The following SHISA9 variants were observed in gnomAD, a reference collection of about 807,000 sequenced individuals.
SHISA9 encodes shisa family member 9.
Under a neutral mutation model 38.0 loss-of-function variants are expected in SHISA9, and 13 were observed. That is an observed-to-expected ratio of 0.34 (90% CI 0.22 to 0.54). The LOEUF (loss-of-function observed/expected upper bound fraction) is 0.54. Ranked by LOEUF, SHISA9 falls within the 20% of genes least tolerant of loss-of-function variation. The probability of loss-of-function intolerance (pLI) is 0.91; values close to 1 mark genes in which losing one functional copy is unlikely to be tolerated. For synonymous variants in SHISA9, 275 were observed against 242.0 expected (o/e 1.14, Z -1.27); for missense variants, 538 against 575.8 (o/e 0.93, Z 0.67).
chr16:13,469,230 AGACT>A, the SHISA9 span, among the ~76,000 whole-genome samples: 1 of 150,728 alleles, frequency 6.6e-6, no homozygotes, highest in Non-Finnish European at 1.5e-5. Flanking sequence ...CAACAGAGCA[AGACT>A]CTGCCAAGAA....
the SHISA9 span, among the ~76,000 whole-genome samples, chr16:13,436,374 A>T: frequency 3.3e-5 from 5 of 152,362 alleles, no homozygotes; most frequent in East Asian, 9.7e-4. Context: ...CACCAGTGCC[A>T]GGGAAGTTTA....
chr16:13,429,835 G>C, the SHISA9 span, among the ~76,000 whole-genome samples: 3 of 152,176 alleles, frequency 2.0e-5, no homozygotes, highest in Admixed American at 2.0e-4. Context: ...GTTTACCAAA[G>C]GATAAACAAT....
intron 2 of SHISA9, among the ~76,000 whole-genome samples, chr16:12,950,140 C>G (rs2071736108): frequency 6.6e-6 from 1 of 152,184 alleles, no homozygotes; most frequent in Non-Finnish European, 1.5e-5. Flanking sequence ...CTGTGCCTGA[C>G]TTATTTCACT....
the SHISA9 span, among the ~76,000 whole-genome samples, chr16:13,532,973 T>G: frequency 6.6e-6 from 1 of 152,246 alleles, no homozygotes; most frequent in East Asian, 1.9e-4. Flanking sequence ...CTGCCCCACC[T>G]CAGCCCCTTA....
At chr16:12,999,064 T>A (rs1293817427) in intron 2 of SHISA9, among the ~76,000 whole-genome samples, 1 of 152,184 alleles carries the variant, frequency 6.6e-6, no homozygotes, top group African/African-American at 2.4e-5. Flanking sequence ...TGGTATATAT[T>A]ATTGGTTCAT....
At chr16:13,117,523 G>T (rs1046216525) in intron 2 of SHISA9, among the ~76,000 whole-genome samples, 1 of 152,154 alleles carries the variant, frequency 6.6e-6, no homozygotes, top group Non-Finnish European at 1.5e-5. Context: ...GTTCATTCCA[G>T]ATTATCTGCC....
chr16:12,999,921 C>T (rs34131567), intron 2 of SHISA9, among the ~76,000 whole-genome samples: 28,932 of 152,070 alleles, frequency 0.19, 3,553 homozygotes, highest in Middle Eastern at 0.33. Context: ...GCAATGGAAG[C>T]TGGGAAATAC....
intron 2 of SHISA9, among the ~76,000 whole-genome samples, chr16:12,921,902 T>A (rs1457400724): frequency 1.3e-5 from 2 of 152,224 alleles, no homozygotes; most frequent in Non-Finnish European, 2.9e-5. Flanking sequence ...CAGATAACAT[T>A]ATAAAACTCC....
chr16:13,229,369 T>G (rs972308145), intron 4 of SHISA9, among the ~76,000 whole-genome samples: 2 of 152,148 alleles, frequency 1.3e-5, no homozygotes, highest in Non-Finnish European at 2.9e-5. Flanking sequence ...TATCGGACTT[T>G]CTAGAAGGGA....
chr16:13,042,188 C>G (rs1273453122), intron 2 of SHISA9, among the ~76,000 whole-genome samples: 2 of 152,202 alleles, frequency 1.3e-5, no homozygotes, highest in East Asian at 3.8e-4. Context: ...CACAAGGACA[C>G]TGGGAATCTT....
chr16:13,270,099 G>A, the SHISA9 span, among the ~76,000 whole-genome samples: 1 of 152,122 alleles, frequency 6.6e-6, no homozygotes, highest in Non-Finnish European at 1.5e-5. Flanking sequence ...GGCTTACATG[G>A]AGCAATGCCC....
At chr16:13,068,439 C>T (rs956978092) in intron 2 of SHISA9, among the ~76,000 whole-genome samples, 7 of 152,342 alleles carry the variant, frequency 4.6e-5, no homozygotes, top group African/African-American at 1.7e-4. Context: ...TACACTTATT[C>T]TCACTCTCCC....
chr16:13,225,295 A>G (rs561097164), intron 4 of SHISA9, among the ~76,000 whole-genome samples: 2 of 152,266 alleles, frequency 1.3e-5, no homozygotes, highest in East Asian at 1.9e-4. Flanking sequence ...TGGAACTGCA[A>G]GAGAATGTAT....
intron 2 of SHISA9, among the ~76,000 whole-genome samples, chr16:12,920,056 GTCT>G (rs1164391298): frequency 1.3e-5 from 2 of 152,080 alleles, no homozygotes; most frequent in Admixed American, 6.5e-5. Flanking sequence ...GTTCCCTTTG[GTCT>G]TCTTAAGGAT....
the SHISA9 span, among the ~76,000 whole-genome samples, chr16:13,435,021 T>C: frequency 1.3e-5 from 2 of 152,226 alleles, no homozygotes; most frequent in African/African-American, 2.4e-5. Context: ...ACAAATGTGT[T>C]GTGTGACAAG....
intron 3 of SHISA9, among the ~76,000 whole-genome samples, chr16:13,209,219 C>T (rs535434282): frequency 2.6e-4 from 39 of 152,202 alleles, no homozygotes; most frequent in African/African-American, 7.9e-4. Flanking sequence ...GAGTTATCTG[C>T]GGTCATCATT....
At chr16:13,472,945 T>C in the SHISA9 span, among the ~76,000 whole-genome samples, 1 of 152,238 alleles carries the variant, frequency 6.6e-6, no homozygotes, top group Admixed American at 6.5e-5. Flanking sequence ...GCATGTTAAT[T>C]CTAACATCTA....
chr16:13,468,163 G>C, the SHISA9 span, among the ~76,000 whole-genome samples: 1 of 152,258 alleles, frequency 6.6e-6, no homozygotes, highest in African/African-American at 2.4e-5. Flanking sequence ...CATTTTAAAA[G>C]ATGTTCTTAT....
chr16:13,097,256 C>G (rs75570088), intron 2 of SHISA9, among the ~76,000 whole-genome samples: 3,127 of 152,162 alleles, frequency 0.021, 50 homozygotes, highest in Admixed American at 0.047. Flanking sequence ...AGGGAATTTC[C>G]CAAAGCCACA....
Sources: allele counts gnomAD v4.1 joint callset (sites outside exome capture counted in the v4.1 genomes callset), GRCh38; gene constraint gnomAD v4.1.1; transcripts MANE v1.5; gene names NCBI Gene and HGNC (gene_info 2026-07-23, HGNC 2026-07-21).